The following SEC14L1 variants were observed in gnomAD, a reference collection of about 807,000 sequenced individuals.
The protein encoded by SEC14L1 is SEC14 like lipid binding 1.
In SEC14L1, 48 loss-of-function variants were observed where a neutral mutation model predicts 85.3. The observed-to-expected ratio is 0.56, with a 90% CI of 0.45 to 0.72. SEC14L1 has a LOEUF of 0.72. SEC14L1 is among the 30% of genes least tolerant of loss of function. The pLI, the probability that SEC14L1 is intolerant of heterozygous loss-of-function variation, is 0.00. For missense variants in SEC14L1, 682 were observed against 921.4 expected (o/e 0.74, Z 3.36); for synonymous variants, 391 against 355.5 (o/e 1.10, Z -1.12).
chr17:77,157,487 T>TAGTAC (rs1033024016), intron 3 of SEC14L1, among the ~76,000 whole-genome samples: 2 of 152,006 alleles, frequency 1.3e-5, no homozygotes, highest in African/African-American at 4.8e-5. Context: ...TTTGAATTTG[T>TAGTAC]AGTACATGGG....
chr17:77,159,443 C>T (rs555382798), intron 3 of SEC14L1, among the ~76,000 whole-genome samples: 7 of 148,218 alleles, frequency 4.7e-5, no homozygotes, highest in African/African-American at 1.0e-4. Flanking sequence ...TGCAGTGGTG[C>T]GATCTCAGCT....
intron 3 of SEC14L1, among the ~76,000 whole-genome samples, chr17:77,132,996 G>C (rs928473771): frequency 2.6e-5 from 4 of 151,954 alleles, no homozygotes; most frequent in Non-Finnish European, 4.4e-5. Context: ...AGCCTCCCGA[G>C]TAGCTGGGAC....
chr17:77,207,196 A>G (rs1460158589), intron 13 of SEC14L1, among the ~76,000 whole-genome samples: 1 of 152,192 alleles, frequency 6.6e-6, no homozygotes, highest in Non-Finnish European at 1.5e-5. Context: ...TACTGTTAAA[A>G]AATTGAATCA....
chr17:77,143,043 T>A (rs996977947), intron 2 of SEC14L1, among the ~76,000 whole-genome samples: 1 of 152,224 alleles, frequency 6.6e-6, no homozygotes, highest in Non-Finnish European at 1.5e-5. Flanking sequence ...AAAATAGGAA[T>A]TGACACGTTT....
intron 3 of SEC14L1, among the ~76,000 whole-genome samples, chr17:77,178,239 C>T (rs984904164): frequency 2.6e-4 from 39 of 152,064 alleles, no homozygotes; most frequent in African/African-American, 8.2e-4. Context: ...ACTCCCATCC[C>T]ACCTGCCACT....
intron 9 of SEC14L1, 142 bp downstream of exon 9, chr17:77,200,815 C>G (rs185908481): frequency 3.8e-6 from 3 of 797,416 alleles, no homozygotes; most frequent in Non-Finnish European, 5.9e-6. Context: ...TGGCACCTTT[C>G]CCAAGTTGAA....
chr17:77,161,737 A>C (rs1348848580), intron 3 of SEC14L1, among the ~76,000 whole-genome samples: 1 of 87,190 alleles, frequency 1.1e-5, no homozygotes, highest in Non-Finnish European at 2.4e-5. Context: ...TTTTTTTTTT[A>C]AACAACCAGA....
intron 3 of SEC14L1, chr17:77,145,099 A>ATGTGTGTGTGTGTG (rs60478156): frequency 2.6e-5 from 3 of 114,142 alleles, no homozygotes; most frequent in East Asian, 6.8e-4. Context: ...GTGTGTATGT[A>ATGTGTGTGTGTGTG]TGTGTGTGTG....
Position 77,129,228 on chromosome 17 carries a change from T to C in SEC14L1, c.-135-13418T>C, listed in dbSNP as rs1197182337. Among the ~76,000 whole-genome samples the C allele has an allele frequency of 2.0e-5, 3 of 152,202 alleles. No homozygotes were observed. The East Asian group carries it at 5.8e-4, about 29-fold the overall frequency. On this transcript the variant is annotated intron_variant, in intron 3 of 19. Transcript: ENST00000392476. ...CAAAATGTTTTCATCAACATTTTCT[T>C]ATCCAAGCTTAACAACCCAGTGAGA...
chr17:77,196,739 A>G (rs1975826924), intron 8 of SEC14L1, among the ~76,000 whole-genome samples: 1 of 152,208 alleles, frequency 6.6e-6, no homozygotes. Flanking sequence ...AGAGCCTGGT[A>G]TGTGTCTAGC....
At chr17:77,169,422 C>T (rs1012507380) in intron 3 of SEC14L1, among the ~76,000 whole-genome samples, 1 of 152,168 alleles carries the variant, frequency 6.6e-6, no homozygotes, top group Non-Finnish European at 1.5e-5. Context: ...ACTTACCATG[C>T]AGCTTATGCC....
intron 3 of SEC14L1, among the ~76,000 whole-genome samples, chr17:77,119,789 T>C (rs1183480335): frequency 1.3e-5 from 2 of 152,174 alleles, no homozygotes; most frequent in African/African-American, 2.4e-5. Context: ...CCACCTGCAC[T>C]TAAACCTACC....
chr17:77,153,997 G>A (rs1973690133), intron 3 of SEC14L1, among the ~76,000 whole-genome samples: 2 of 152,196 alleles, frequency 1.3e-5, no homozygotes, highest in South Asian at 4.1e-4. Context: ...GAGGACAGCA[G>A]CCCTCTGTAT....
intron 3 of SEC14L1, among the ~76,000 whole-genome samples, chr17:77,100,315 TG>T (rs1328654452): frequency 2.0e-5 from 3 of 151,438 alleles, no homozygotes; most frequent in Admixed American, 6.6e-5. Context: ...GCGCAAAAGG[TG>T]CCTACCGCCC....
intron 3 of SEC14L1, among the ~76,000 whole-genome samples, chr17:77,148,368 C>T (rs1440688885): frequency 2.6e-5 from 4 of 152,100 alleles, no homozygotes; most frequent in African/African-American, 9.7e-5. Context: ...GGACAGCTGT[C>T]CTCATTGTGA....
At chr17:77,204,542 T>TA (rs1976365125) in intron 10 of SEC14L1, among the ~76,000 whole-genome samples, 1 of 148,214 alleles carries the variant, frequency 6.7e-6, no homozygotes, top group East Asian at 2.0e-4. Context: ...TTTTTTTTTT[T>TA]TTTTTTTAAA....
At chr17:77,193,704 A>G (rs1354266345) in intron 6 of SEC14L1, among the ~76,000 whole-genome samples, 155 bp downstream of exon 6, 1 of 152,168 alleles carries the variant, frequency 6.6e-6, no homozygotes, top group Non-Finnish European at 1.5e-5. Flanking sequence ...CTTTAGGTAT[A>G]GGGGTTGAGG....
intron 9 of SEC14L1, among the ~76,000 whole-genome samples, chr17:77,201,613 G>A (rs1167754498): frequency 6.6e-6 from 1 of 152,024 alleles, no homozygotes; most frequent in Non-Finnish European, 1.5e-5. Context: ...ACCACGCCCG[G>A]CTACTTTTTG....
At chr17:77,205,705 C>G (rs1976429284) in intron 11 of SEC14L1, among the ~76,000 whole-genome samples, 1 of 152,118 alleles carries the variant, frequency 6.6e-6, no homozygotes, top group African/African-American at 2.4e-5. Flanking sequence ...TTTAGTGATT[C>G]AGAGGTTGAC....
Sources: allele counts gnomAD v4.1 joint callset (sites outside exome capture counted in the v4.1 genomes callset), GRCh38; gene constraint gnomAD v4.1.1; transcripts MANE v1.5; gene names NCBI Gene and HGNC (gene_info 2026-07-23, HGNC 2026-07-21).